The following LTB variants were observed in gnomAD, a reference collection of about 807,000 sequenced individuals.
The protein encoded by LTB is lymphotoxin-beta.
A neutral mutation model predicts 14.7 loss-of-function variants in LTB; 17 were observed. The ratio of observed to expected loss-of-function variants is 1.16; its 90% confidence interval spans 0.79 to 1.73. LTB has a LOEUF of 1.73. Among genes scored for constraint, LTB ranks in the 40% most tolerant of loss-of-function variants. The pLI is 0.00. For synonymous variants in LTB, 163 were observed against 157.3 expected (o/e 1.04, Z -0.27); for missense variants, 288 against 324.3 (o/e 0.89, Z 0.86).
chr6:31,582,297 G>A lies in LTB; in HGVS notation c.121C>T (p.Leu41=), dbSNP rs977056060. 1.2e-6 allele frequency: 2 copies of A among 1,613,042 alleles called. No homozygotes were observed. Among genetic ancestry groups the A allele is most frequent in the Non-Finnish European group, 8.5e-7 (1 of 1,180,016 alleles). The change falls in exon 1 of 4, where the codon CTG becomes TTG. Residue 41 remains leucine (L), a synonymous_variant. Transcript: ENST00000429299. ...TLLLAVPITV[L]AVLALVPQDQ... Reference sequence around the variant, plus strand: ...TGGGGCACTAAGGCCAGCACAGCCAGGACAGTGATAGGCACCGCCAGCAAC... The same window carrying A: ...TGGGGCACTAAGGCCAGCACAGCCAAGACAGTGATAGGCACCGCCAGCAAC...
chr6:31,582,086 G>A (rs558709918), intron 1 of LTB, 170 bp downstream of exon 1: 4 of 856,248 alleles, frequency 4.7e-6, no homozygotes, highest in East Asian at 2.5e-5. Context: ...CGGGACACAA[G>A]CACAACATCA....
At chr6:31,581,230 T>G in intron 3 of LTB, 67 bp from the exon 4 acceptor site, 1 of 1,437,224 alleles carries the variant, frequency 7.0e-7, no homozygotes, top group Non-Finnish European at 9.3e-7. Context: ...TCTGGGGAAG[T>G]GGCGGCTTTT....
chr6:31,582,255 C>T lies in LTB; in HGVS notation c.162+1G>A, dbSNP rs182320786. The T allele has an allele frequency of 4.3e-6, 7 of 1,612,892 alleles. No individual in the cohort carries two copies. Among genetic ancestry groups the T allele is most frequent in the Non-Finnish European group, 8.5e-7 (1 of 1,179,890 alleles). On this transcript the variant is annotated splice_donor_variant, in intron 1 of 3. Transcript: ENST00000429299. LOFTEE classifies it high-confidence loss of function. ...CACCAGGGCCTGTTGCAGCCACTCA[C>T]CAGTCCTCCCTGATCCTGGGGCACT...
At chr6:31,581,343 C>T (rs1055899700) in intron 3 of LTB, among the ~76,000 whole-genome samples, 180 bp from the exon 4 acceptor site, 2 of 152,068 alleles carry the variant, frequency 1.3e-5, no homozygotes, top group Non-Finnish European at 2.9e-5. Flanking sequence ...GGGTGCAGAA[C>T]GCTGTAGTGG....
chr6:31,581,870 G>A lies in LTB; in HGVS notation c.163-11C>T. ...GGCCGTCTCCGTTACCTGGTTGGGT[G>A]GGGTCACAGTGCCCAGAGTTCAGAT... is the stretch of plus-strand genomic sequence containing the variant. On this transcript the variant is annotated splice_polypyrimidine_tract_variant and intron_variant, in intron 1 of 3. Transcript: ENST00000429299. The A allele has an allele frequency of 6.3e-7, 1 of 1,578,958 alleles. No homozygotes were observed. Among genetic ancestry groups the A allele is most frequent in the Non-Finnish European group, 8.6e-7 (1 of 1,165,112 alleles).
chr6:31,581,455 G>A (rs1338052144), intron 3 of LTB, 104 bp downstream of exon 3: 5 of 1,102,386 alleles, frequency 4.5e-6, no homozygotes, highest in East Asian at 2.4e-5. Context: ...CGTGAAGCGG[G>A]TGGGAAACCG....
rs779671727 is a variant in LTB, at chr6:31,580,665, G to C, written c.*44C>G. 6.5e-7 allele frequency: 1 copy of C among 1,539,720 alleles called. No individual in the cohort carries two copies. The highest frequency in any genetic ancestry group is 8.9e-7 in the Non-Finnish European group (1 of 1,129,898). On this transcript the variant is annotated 3_prime_UTR_variant, in exon 4 of 4. Transcript: ENST00000429299. The surrounding 1 kb of genome is among the most constrained non-coding windows in gnomAD (Gnocchi z 6.6). ...CACTGCCATGGGGTCCTGGGCGTCC[G>C]GGCCCCCAATATTCACGCACTCGCA... is the stretch of plus-strand genomic sequence containing the variant.
rs751997573 is a variant in LTB at position 31,581,096 on chromosome 6, C to T, written c.348G>A (p.Gly116=). The part of the protein sequence containing the change: ...TTKEQAFLTS[G]TQFSDAEGLA... Reference sequence around the variant, plus strand: ...GCCCCTCGGCGTCCGAGAACTGCGTCCCGCTCGTCAGAAACGCCTGTTCCT... The same window carrying T: ...GCCCCTCGGCGTCCGAGAACTGCGTTCCGCTCGTCAGAAACGCCTGTTCCT... Residue 116 remains glycine (G), a synonymous_variant, in exon 4 of 4, where the codon GGG becomes GGA. Coordinates refer to ENST00000429299, the MANE Select transcript of LTB (RefSeq NM_002341.2). The T allele has an allele frequency of 1.2e-6, 2 of 1,608,556 alleles. No homozygotes were observed. Among genetic ancestry groups the T allele is most frequent in the East Asian group, 2.2e-5 (1 of 44,802 alleles).
In LTB at chr6:31,580,855, A is replaced by G; in HGVS notation, c.589T>C (p.Tyr197His). The change falls in exon 4 of 4, where the codon TAC becomes CAC. Residue 197 changes from tyrosine (Y) to histidine (H), a missense_variant. By Grantham distance (83) the Tyr-to-His change is moderately conservative (BLOSUM62 2). This residue lies in a region of LTB where 284 missense variants were observed against 299.2 expected (regional missense o/e 0.95). Transcript: ENST00000429299. The surrounding 1 kb of genome is among the most constrained non-coding windows in gnomAD (Gnocchi z 6.6). ...ACGCTCGTGTACCAGAGAGGCCCGTACCCTTGTCTCCTGGCCGGGTCCAGC... is the reference window on the plus strand; with the variant it reads ...ACGCTCGTGTACCAGAGAGGCCCGTGCCCTTGTCTCCTGGCCGGGTCCAGC... ...PVLDPARRQGYGPLWYTSVGF... is the reference protein window; with the variant it reads ...PVLDPARRQGHGPLWYTSVGF... 6.2e-7 allele frequency: 1 copy of G among 1,609,790 alleles called. No homozygotes were observed. The highest frequency in any genetic ancestry group is 8.5e-7 in the Non-Finnish European group (1 of 1,178,672).
Position 31,580,928 on chromosome 6 carries a change from C to G in LTB, c.516G>C (p.Pro172=). The G allele has an allele frequency of 2.5e-6, 4 of 1,582,972 alleles. No homozygotes were observed. Among genetic ancestry groups the G allele is most frequent in the South Asian group, 1.1e-5 (1 of 87,708 alleles). ...CCTCGAGCAGCAGCTCGGGAGTGCC[C>G]GGCCCGTAGGCGCCCCCCGCCCGGT... ...SLYRAGGAYG[P]GTPELLLEGA... The change falls in exon 4 of 4, where the codon CCG becomes CCC. Residue 172 remains proline, a synonymous_variant. Transcript: ENST00000429299. The surrounding 1 kb of genome is among the most constrained non-coding windows in gnomAD (Gnocchi z 6.6).
intron 1 of LTB, 124 bp downstream of exon 1, chr6:31,582,132 A>C: frequency 8.8e-7 from 1 of 1,132,550 alleles, no homozygotes; most frequent in Non-Finnish European, 1.3e-6. Context: ...AAGAGACAAG[A>C]CATCCCCACC....
Position 31,581,067 on chromosome 6 carries a change from G to T in LTB, c.377C>A (p.Ala126Glu), listed in dbSNP as rs776586567. 3 of 1,610,316 alleles carry T rather than the reference G, an allele frequency of 1.9e-6. No individual in the cohort carries two copies. The South Asian group carries it at 3.3e-5, about 18-fold the overall frequency. Residue 126 changes from alanine (A) to glutamate (E), a missense_variant, in exon 4 of 4, where the codon GCG (alanine) becomes GAG (glutamate). Ala to Glu is a moderately radical substitution (Grantham distance 107, BLOSUM62 -1). This residue lies in a region of LTB where 284 missense variants were observed against 299.2 expected (regional missense o/e 0.95). Transcript: ENST00000429299. The part of the protein sequence containing the change: ...GTQFSDAEGL[A>E]LPQDGLYYLY... ...GTAATAGAGGCCGTCCTGCGGGAGC[G>T]CCAGCCCCTCGGCGTCCGAGAACTG...
Position 31,581,410 on chromosome 6 carries a change from G to C in LTB, c.280+149C>G, listed in dbSNP as rs560512361. On this transcript the variant is annotated intron_variant, in intron 3 of 3. Transcript: ENST00000429299. ...AGGGAAGAAGAAACTACACTGCGGG[G>C]ACGAGCGTAAGAGTGGGCACGAGCG... is the stretch of plus-strand genomic sequence containing the variant. 105 of 832,750 alleles carry C rather than the reference G, an allele frequency of 1.3e-4. No individual in the cohort carries two copies. In the East Asian group the frequency reaches 2.5e-3, roughly 20 times the overall value. The allele number at this position is 832,750 out of a possible 1,614,324, so 51.6% of individuals were successfully genotyped here.
intron 2 of LTB, 87 bp from the exon 3 acceptor site, chr6:31,581,717 G>A (rs1771532268): frequency 1.3e-6 from 2 of 1,597,044 alleles, no homozygotes; most frequent in African/African-American, 1.3e-5. Context: ...GGGATGGGGA[G>A]CCTGGATTCC....
intron 1 of LTB, 177 bp from the exon 2 acceptor site, chr6:31,582,036 G>C: frequency 1.3e-6 from 1 of 773,974 alleles, no homozygotes; most frequent in Non-Finnish European, 2.1e-6. Context: ...AGAAACAGAT[G>C]TACCTCGGGA....
At chr6:31,581,734 A>G in intron 2 of LTB, 80 bp downstream of exon 2, 1 of 1,602,576 alleles carries the variant, frequency 6.2e-7, no homozygotes, top group African/African-American at 1.3e-5. Flanking sequence ...TTCCTAGAGG[A>G]AGAGGTATCT....
intron 1 of LTB, 41 bp from the exon 2 acceptor site, chr6:31,581,900 C>T (rs4647183): frequency 9.7e-6 from 15 of 1,544,266 alleles, no homozygotes; most frequent in African/African-American, 6.9e-5. Context: ...TCAGATTCAG[C>T]TCATGTCACC....
chr6:31,581,057 C>G lies in LTB; in HGVS notation c.387G>C (p.Gln129His), dbSNP rs1412856853. ...FSDAEGLALP[Q>H]DGLYYLYCLV... The stretch of plus-strand genomic sequence containing the variant: ...GACAGTAGAGGTAATAGAGGCCGTC[C>G]TGCGGGAGCGCCAGCCCCTCGGCGT... Residue 129 changes from glutamine to histidine, a missense_variant, in exon 4 of 4, where the codon CAG (glutamine) becomes CAC (histidine). By Grantham distance (24) the Gln-to-His change is conservative. Coordinates refer to ENST00000429299, the MANE Select transcript of LTB (RefSeq NM_002341.2). 1 of 1,610,112 alleles carries G rather than the reference C, an allele frequency of 6.2e-7. No individual in the cohort carries two copies. The highest frequency in any genetic ancestry group is 1.3e-5 in the African/African-American group (1 of 74,982).
chr6:31,582,171 G>C, intron 1 of LTB, 85 bp downstream of exon 1: 2 of 1,527,342 alleles, frequency 1.3e-6, no homozygotes, highest in South Asian at 2.3e-5. Flanking sequence ...TGAGCCAGAG[G>C]GGGCAAAAGA....
Sources: allele counts gnomAD v4.1 joint callset (sites outside exome capture counted in the v4.1 genomes callset), GRCh38; gene constraint gnomAD v4.1.1; regional missense constraint gnomAD v4.1.1; non-coding constraint Gnocchi (gnomAD v3.1); transcripts MANE v1.5; gene names NCBI Gene and HGNC (gene_info 2026-07-23, HGNC 2026-07-21).